The following ERC2 variants were observed in gnomAD, a reference collection of about 807,000 sequenced individuals.
ERC2 encodes ELKS/RAB6-interacting/CAST family member 2.
A neutral mutation model predicts 114.8 loss-of-function variants in ERC2; 42 were observed. That is an observed-to-expected ratio of 0.37 (90% CI 0.29 to 0.47). The LOEUF (loss-of-function observed/expected upper bound fraction) is 0.47, where lower values mean the gene tolerates loss of function less well. Among genes scored for constraint, ERC2 ranks in the 20% least tolerant of loss-of-function variants. The pLI, the probability that ERC2 is intolerant of heterozygous loss-of-function variation, is 0.99. For missense variants in ERC2, 939 were observed against 1,150.7 expected (o/e 0.82, Z 2.66); for synonymous variants, 454 against 425.5 (o/e 1.07, Z -0.82).
intron 13 of ERC2, among the ~76,000 whole-genome samples, chr3:55,895,360 C>T (rs150922835): frequency 2.6e-5 from 4 of 152,292 alleles, no homozygotes; most frequent in African/African-American, 7.2e-5. Context: ...GAACCCTAGA[C>T]GTTACTGACC....
chr3:55,628,606 C>T (rs1342539955), intron 17 of ERC2, among the ~76,000 whole-genome samples: 1 of 152,172 alleles, frequency 6.6e-6, no homozygotes, highest in Admixed American at 6.5e-5. Flanking sequence ...AATAGACTGG[C>T]ACAGGGTTCC....
intron 6 of ERC2, among the ~76,000 whole-genome samples, chr3:56,100,180 T>C (rs551002979): frequency 1.3e-5 from 2 of 152,354 alleles, no homozygotes; most frequent in East Asian, 1.9e-4. Flanking sequence ...GGGAACATAC[T>C]ATAGAAAATG....
At chr3:56,070,467 TTAAA>T (rs1407612865) in intron 7 of ERC2, among the ~76,000 whole-genome samples, 23 of 147,370 alleles carry the variant, frequency 1.6e-4, no homozygotes, top group Non-Finnish European at 3.0e-4. Flanking sequence ...CAAACCTTTT[TTAAA>T]AAAAAAAAAA....
chr3:56,069,236 A>T (rs562710781), intron 7 of ERC2, among the ~76,000 whole-genome samples: 34 of 152,290 alleles, frequency 2.2e-4, no homozygotes, highest in Non-Finnish European at 4.0e-4. Flanking sequence ...TAGCGGTGCC[A>T]CTTTAGTGGA....
intron 6 of ERC2, among the ~76,000 whole-genome samples, chr3:56,104,392 C>T (rs1315440086): frequency 6.6e-6 from 1 of 152,162 alleles, no homozygotes; most frequent in African/African-American, 2.4e-5. Context: ...GCCTGAAAGG[C>T]CCATCTTAAA....
intron 13 of ERC2, among the ~76,000 whole-genome samples, chr3:55,943,073 G>A (rs576370394): frequency 1.3e-3 from 193 of 152,286 alleles, no homozygotes; most frequent in African/African-American, 4.4e-3. Context: ...CTCTGGTAGC[G>A]ATAACTCAGG....
At position 55,768,055 on chromosome 3, in the gene ERC2, C is replaced by T. The variant is rs116783453; in HGVS notation, c.2565-33137G>A. Among the ~76,000 whole-genome samples the T allele has an allele frequency of 7.6e-3, 1,156 of 152,286 alleles. 11 individuals are homozygous for T. The highest frequency in any genetic ancestry group is 0.026 in the African/African-American group (1,098 of 41,548). On this transcript the variant is annotated intron_variant, in intron 14 of 17. Coordinates refer to ENST00000288221, the MANE Select transcript of ERC2 (RefSeq NM_015576.3). ...GTAGCACCTCCTTCTCCACTCTCTT[C>T]CTCCTTTTTCTGGCCATGTAAGATG...
intron 13 of ERC2, among the ~76,000 whole-genome samples, chr3:55,909,605 G>T (rs2064680509): frequency 6.6e-6 from 1 of 151,976 alleles, no homozygotes. Context: ...AAACCTAAGG[G>T]TAAAGGTTCA....
intron 13 of ERC2, among the ~76,000 whole-genome samples, chr3:55,898,719 ATT>A (rs543601529): frequency 4.7e-5 from 7 of 149,228 alleles, no homozygotes; most frequent in African/African-American, 1.7e-4. Context: ...TTGGATTTCC[ATT>A]TTTTTTTTAC....
chr3:55,649,684 C>T (rs1343017452), intron 17 of ERC2, among the ~76,000 whole-genome samples: 1 of 152,190 alleles, frequency 6.6e-6, no homozygotes, highest in Non-Finnish European at 1.5e-5. Flanking sequence ...AGGAGCTATG[C>T]TGAACCTGAA....
chr3:55,718,712 A>G (rs1275295090), intron 15 of ERC2, among the ~76,000 whole-genome samples: 2 of 152,222 alleles, frequency 1.3e-5, no homozygotes, highest in Non-Finnish European at 2.9e-5. Flanking sequence ...CGGAGTTATT[A>G]TTAGACTCAA....
chr3:56,153,733 C>T (rs1370736276), intron 4 of ERC2, among the ~76,000 whole-genome samples: 1 of 152,078 alleles, frequency 6.6e-6, no homozygotes, highest in Non-Finnish European at 1.5e-5. Flanking sequence ...GTGGGTGGAA[C>T]ATCAAAAAGA....
chr3:55,583,441 T>TCCTTCCTTCCTTCCTTCCTTCCTTCCTC (rs1559692610), intron 17 of ERC2, among the ~76,000 whole-genome samples: 1 of 81,484 alleles, frequency 1.2e-5, no homozygotes, highest in Non-Finnish European at 2.6e-5. Context: ...CTTCCTTCCT[T>TCCTTCCTTCCTTCCTTCCTTCCTTCCTC]CCTCCCTCCC....
chr3:55,993,409 C>T (rs1375933791), intron 10 of ERC2, among the ~76,000 whole-genome samples: 2 of 151,960 alleles, frequency 1.3e-5, no homozygotes, highest in African/African-American at 4.8e-5. Context: ...AAGCAAGCTA[C>T]AGCTACTGTG....
At chr3:55,557,695 C>G (rs1039542187) in intron 17 of ERC2, among the ~76,000 whole-genome samples, 1 of 152,258 alleles carries the variant, frequency 6.6e-6, no homozygotes, top group Non-Finnish European at 1.5e-5. Context: ...CCAGTCAAAA[C>G]CTTACATGGT....
At chr3:55,648,019 G>A (rs1021682614) in intron 17 of ERC2, among the ~76,000 whole-genome samples, 1 of 152,228 alleles carries the variant, frequency 6.6e-6, no homozygotes, top group Non-Finnish European at 1.5e-5. Flanking sequence ...CCAGCGGGGG[G>A]TGGTGGTGGA....
chr3:55,626,906 C>T (rs768314910), intron 17 of ERC2, among the ~76,000 whole-genome samples: 1 of 152,238 alleles, frequency 6.6e-6, no homozygotes, highest in Non-Finnish European at 1.5e-5. Flanking sequence ...TATCTACTCA[C>T]TTCACAGGAC....
chr3:56,189,317 T>G (rs559823077), intron 3 of ERC2, among the ~76,000 whole-genome samples: 2 of 152,248 alleles, frequency 1.3e-5, no homozygotes, highest in Non-Finnish European at 2.9e-5. Flanking sequence ...TCAACTGTTC[T>G]TGATGGAATG....
At chr3:55,683,081 T>C (rs1287591174) in intron 17 of ERC2, among the ~76,000 whole-genome samples, 1 of 152,226 alleles carries the variant, frequency 6.6e-6, no homozygotes, top group African/African-American at 2.4e-5. Flanking sequence ...CAAAACCCTC[T>C]GATAAATACA....
Sources: gnomAD v4.1 joint callset for allele counts (sites outside exome capture counted in the v4.1 genomes callset) on GRCh38, gnomAD v4.1.1 for gene constraint, MANE v1.5 for transcripts, NCBI Gene and HGNC (gene_info 2026-07-23, HGNC 2026-07-21) for gene names.